The following DPYD variants were observed in gnomAD, a reference collection of about 807,000 sequenced individuals.
DPYD encodes the protein dihydropyrimidine dehydrogenase [NADP(+)].
Under a neutral mutation model 116.2 loss-of-function variants are expected in DPYD, and 109 were observed. The observed-to-expected ratio is 0.94, with a 90% CI of 0.80 to 1.10. The LOEUF is 1.10. DPYD is among the 50% of genes least tolerant of loss of function. DPYD has a pLI of 0.00. For missense variants in DPYD, 1,302 were observed against 1,254.5 expected (o/e 1.04, Z -0.57); for synonymous variants, 440 against 432.0 (o/e 1.02, Z -0.23).
chr1:97,628,191 T>C (rs1056138574), intron 8 of DPYD, among the ~76,000 whole-genome samples: 10 of 152,052 alleles, frequency 6.6e-5, no homozygotes, highest in Non-Finnish European at 1.2e-4. Context: ...ATTAATTCTA[T>C]TGCCCAGGCT....
intron 10 of DPYD, among the ~76,000 whole-genome samples, chr1:97,584,975 T>G (rs1399780615): frequency 4.4e-5 from 5 of 114,448 alleles, no homozygotes; most frequent in Non-Finnish European, 9.6e-5. Flanking sequence ...AATAAAGAAA[T>G]AAAATAAAAT....
chr1:97,565,781 T>C (rs918128279), intron 11 of DPYD, among the ~76,000 whole-genome samples: 4 of 152,150 alleles, frequency 2.6e-5, no homozygotes, highest in Non-Finnish European at 5.9e-5. Context: ...GAGTAGTGCC[T>C]GGAACACAGT....
intron 16 of DPYD, among the ~76,000 whole-genome samples, chr1:97,315,545 G>A (rs1667780974): frequency 6.6e-6 from 1 of 151,818 alleles, no homozygotes. Flanking sequence ...CTGATTCCTG[G>A]AGGACTCAAC....
intron 12 of DPYD, among the ~76,000 whole-genome samples, chr1:97,536,650 T>C (rs1161654243): frequency 6.6e-6 from 1 of 152,162 alleles, no homozygotes; most frequent in Non-Finnish European, 1.5e-5. Flanking sequence ...CAAAATGAAA[T>C]CCTTTGCCTG....
chr1:97,508,197 C>A (rs963056346), intron 13 of DPYD, among the ~76,000 whole-genome samples: 2 of 151,854 alleles, frequency 1.3e-5, no homozygotes, highest in African/African-American at 4.8e-5. Context: ...AAAAAACAAC[C>A]AATGTAATGT....
At chr1:97,787,151 A>C (rs527609094) in intron 3 of DPYD, among the ~76,000 whole-genome samples, 1 of 152,336 alleles carries the variant, frequency 6.6e-6, no homozygotes, top group South Asian at 2.1e-4. Flanking sequence ...ATATGCACAC[A>C]AATAATACCT....
At chr1:97,910,753 G>C (rs1157341467) in intron 1 of DPYD, among the ~76,000 whole-genome samples, 1 of 152,044 alleles carries the variant, frequency 6.6e-6, no homozygotes, top group African/African-American at 2.4e-5. Context: ...ATAAAGGACA[G>C]AGGTTATCAG....
At chr1:97,810,748 T>C (rs1668312867) in intron 3 of DPYD, among the ~76,000 whole-genome samples, 1 of 152,172 alleles carries the variant, frequency 6.6e-6, no homozygotes, top group South Asian at 2.1e-4. Context: ...GCCAGAGTGA[T>C]ATTTTTAAAA....
At chr1:97,572,179 C>G (rs1211083519) in intron 11 of DPYD, among the ~76,000 whole-genome samples, 1 of 151,878 alleles carries the variant, frequency 6.6e-6, no homozygotes, top group Non-Finnish European at 1.5e-5. Context: ...GAAATATACA[C>G]AGTAAATTCT....
intron 20 of DPYD, among the ~76,000 whole-genome samples, chr1:97,112,115 T>A (rs1314402853): frequency 6.6e-6 from 1 of 152,138 alleles, no homozygotes; most frequent in African/African-American, 2.4e-5. Flanking sequence ...TTATTAACTT[T>A]GTGAATTACT....
At chr1:97,835,142 T>C (rs977428469) in intron 2 of DPYD, among the ~76,000 whole-genome samples, 1 of 152,018 alleles carries the variant, frequency 6.6e-6, no homozygotes, top group Non-Finnish European at 1.5e-5. Context: ...TGAAATACAA[T>C]ATAATGCAGT....
rs147507561 is a variant in DPYD, at chr1:97,382,156, T to G, written c.1974+237A>C. On this transcript the variant is annotated intron_variant, in intron 15 of 22. Transcript: ENST00000370192. ...GTATGGATTCAGAGAATAAAGGATT[T>G]TTAGGTAGTGTGTGAAATCCAAGGG... 1.1e-4 allele frequency among the ~76,000 whole-genome samples: 16 copies of G among 152,272 alleles called. No homozygotes were observed. The East Asian group carries it at 3.1e-3, about 29-fold the overall frequency.
At chr1:97,227,562 GT>G (rs1214620273) in intron 19 of DPYD, among the ~76,000 whole-genome samples, 2 of 149,886 alleles carry the variant, frequency 1.3e-5, no homozygotes, top group East Asian at 3.9e-4. Context: ...ATTTTAAGAA[GT>G]TTAAAAAAAG....
chr1:97,570,197 A>T (rs1004484160), intron 11 of DPYD, among the ~76,000 whole-genome samples: 5 of 151,998 alleles, frequency 3.3e-5, no homozygotes, highest in Admixed American at 2.6e-4. Context: ...TAAAAATGTA[A>T]TCTCCTTTCA....
intron 2 of DPYD, among the ~76,000 whole-genome samples, chr1:97,876,085 G>T (rs2101626787): frequency 6.6e-6 from 1 of 151,976 alleles, no homozygotes; most frequent in Non-Finnish European, 1.5e-5. Flanking sequence ...AATATATTTA[G>T]TAATATATTA....
Position 97,480,765 on chromosome 1 carries a change from GA to G in DPYD, c.1741-30543del, listed in dbSNP as rs1557741546. Among the ~76,000 whole-genome samples the G allele has an allele frequency of 3.9e-5, 6 of 152,296 alleles. No homozygotes were observed. In the South Asian group the frequency reaches 1.2e-3, roughly 32 times the overall value. On this transcript the variant is annotated intron_variant, in intron 13 of 22. Transcript: ENST00000370192. ...GGAGGCCGAGGCATGCAGATCACCT[GA>G]GGTCAGGAGTTCAAGACCAGCCTGG... is the stretch of plus-strand genomic sequence containing the variant.
At chr1:97,426,464 G>A (rs181628663) in intron 14 of DPYD, among the ~76,000 whole-genome samples, 4 of 152,238 alleles carry the variant, frequency 2.6e-5, no homozygotes, top group Admixed American at 1.3e-4. Context: ...TGCAGAGCAA[G>A]GACCCATGAG....
chr1:97,392,825 T>G (rs950362547), intron 14 of DPYD, among the ~76,000 whole-genome samples: 2 of 152,140 alleles, frequency 1.3e-5, no homozygotes, highest in African/African-American at 4.8e-5. Context: ...CTCTTGCTAT[T>G]TCTCTAATCT....
intron 3 of DPYD, among the ~76,000 whole-genome samples, chr1:97,814,633 C>T (rs1399235474): frequency 6.6e-6 from 1 of 151,978 alleles, no homozygotes; most frequent in African/African-American, 2.4e-5. Flanking sequence ...GATGCTACTG[C>T]CATTTACTCA....
Sources: gnomAD v4.1 joint callset for allele counts (sites outside exome capture counted in the v4.1 genomes callset) on GRCh38, gnomAD v4.1.1 for gene constraint, MANE v1.5 for transcripts, NCBI Gene and HGNC (gene_info 2026-07-23, HGNC 2026-07-21) for gene names.